SEZ6: variants seen among roughly 807,000 people sequenced by gnomAD.
The protein encoded by SEZ6 is seizure related 6 homolog.
Under a neutral mutation model 101.0 loss-of-function variants are expected in SEZ6, and 53 were observed. The ratio of observed to expected loss-of-function variants is 0.52; its 90% CI spans 0.42 to 0.66. SEZ6 has a LOEUF of 0.66. Among genes scored for constraint, SEZ6 ranks in the 30% least tolerant of loss-of-function variants. The probability of loss-of-function intolerance (pLI) is 0.00; values close to 1 mark genes in which losing one functional copy is unlikely to be tolerated. For missense variants in SEZ6, 1,102 were observed against 1,289.4 expected (o/e 0.85, Z 2.23); for synonymous variants, 488 against 512.2 (o/e 0.95, Z 0.64).
chr17:29,002,837 T>C (rs981630136), intron 1 of SEZ6, among the ~76,000 whole-genome samples: 1 of 152,218 alleles, frequency 6.6e-6, no homozygotes, highest in Non-Finnish European at 1.5e-5. Flanking sequence ...CTTGCAGCAC[T>C]AGGGCTCCTG....
rs1480104136 is a variant in SEZ6 at position 28,956,775 on chromosome 17, G to A, written c.2693-18C>T. 2 of 1,560,240 alleles carry A rather than the reference G, an allele frequency of 1.3e-6. No individual in the cohort carries two copies. The highest frequency in any genetic ancestry group is 2.4e-5 in the South Asian group (2 of 84,464). The stretch of plus-strand genomic sequence containing the variant: ...CAGAGAGGCTGGAACAAAAGGGGAG[G>A]GCCAAGGGCAGTGAGTGAGCCCAAT... On this transcript the variant is annotated intron_variant, in intron 13 of 16. Transcript: ENST00000317338.
chr17:28,960,651 T>C lies in SEZ6; in HGVS notation c.1430A>G (p.Asp477Gly). ...ATACACTGGTGGGGCCTCCACGTTGTCCCCATTGCGAATGATGAGCCTGAA... is the reference window on the plus strand; with the variant it reads ...ATACACTGGTGGGGCCTCCACGTTGCCCCCATTGCGAATGATGAGCCTGAA... ...DDDRLIIRNG[D>G]NVEAPPVYDS... Residue 477 changes from aspartate to glycine, a missense_variant, in exon 7 of 17, where the codon GAC becomes GGC. Around this residue, in one of 3 missense-constraint regions of SEZ6, gnomAD observed 556 missense variants for 735.1 expected, o/e 0.76. Coordinates refer to ENST00000317338, the MANE Select transcript of SEZ6 (RefSeq NM_178860.5). The C allele has an allele frequency of 6.2e-7, 1 of 1,603,708 alleles. No individual in the cohort carries two copies. Among genetic ancestry groups the C allele is most frequent in the South Asian group, 1.1e-5 (1 of 89,444 alleles).
At chr17:28,969,598 T>TA (rs532853734) in intron 4 of SEZ6, among the ~76,000 whole-genome samples, 159 bp downstream of exon 4, 8 of 152,178 alleles carry the variant, frequency 5.3e-5, no homozygotes, top group Non-Finnish European at 2.9e-5. Context: ...ACGCGATACT[T>TA]ACCTCCAATT....
chr17:28,957,157 G>T lies in SEZ6; in HGVS notation c.2580C>A (p.Ala860=), dbSNP rs1394347217. The T allele has an allele frequency of 6.2e-7, 1 of 1,613,814 alleles. No individual in the cohort carries two copies. The highest frequency in any genetic ancestry group is 2.2e-5 in the East Asian group (1 of 44,880). The part of the protein sequence containing the change: ...SPEKQLHPAG[A]TIHFSCAPGY... ...CAGGGGCACACGAGAAGTGGATGGT[G>T]GCCCCTGCTGGGTGTAGCTGCTTCT... Residue 860 remains alanine, a synonymous_variant, in exon 13 of 17, where the codon GCC becomes GCA. Transcript: ENST00000317338.
chr17:28,981,490 T>C lies in SEZ6; in HGVS notation c.605A>G (p.Gln202Arg). Residue 202 changes from glutamine to arginine, a missense_variant, in exon 2 of 17, where the codon CAG becomes CGG. Coordinates refer to ENST00000317338, the MANE Select transcript of SEZ6 (RefSeq NM_178860.5). ...GRPWVAEVVS[Q>R]GAGIGIQGTI... ...CCCCTGGATCCCGATCCCTGCGCCC[T>C]GGGACACAACCTCTGCAACCCACGG... The C allele has an allele frequency of 6.2e-7, 1 of 1,601,814 alleles. No individual in the cohort carries two copies. Among genetic ancestry groups the C allele is most frequent in the Non-Finnish European group, 8.5e-7 (1 of 1,174,024 alleles).
intron 4 of SEZ6, 43 bp from the exon 5 acceptor site, chr17:28,964,190 G>C (rs188988656): frequency 3.4e-6 from 5 of 1,490,844 alleles, no homozygotes; most frequent in Non-Finnish European, 4.5e-6. Context: ...TGTGCAGGGT[G>C]GGGGCGGGAG....
intron 4 of SEZ6, among the ~76,000 whole-genome samples, chr17:28,964,661 T>A (rs1004498784): frequency 1.3e-5 from 2 of 152,236 alleles, no homozygotes; most frequent in African/African-American, 4.8e-5. Flanking sequence ...GGAATAAATA[T>A]GAATTGCAGC....
At chr17:28,997,955 C>T (rs2041564693) in intron 1 of SEZ6, among the ~76,000 whole-genome samples, 1 of 152,160 alleles carries the variant, frequency 6.6e-6, no homozygotes, top group Non-Finnish European at 1.5e-5. Flanking sequence ...CCTGATGCCT[C>T]CCTGCCCCCA....
intron 3 of SEZ6, among the ~76,000 whole-genome samples, chr17:28,970,345 G>A (rs2041134079): frequency 6.6e-6 from 1 of 152,148 alleles, no homozygotes; most frequent in African/African-American, 2.4e-5. Flanking sequence ...CGAGGCCCTG[G>A]TCAGCAGTAT....
intron 1 of SEZ6, among the ~76,000 whole-genome samples, chr17:28,984,381 G>A (rs1321984905): frequency 6.6e-6 from 1 of 152,236 alleles, no homozygotes; most frequent in Non-Finnish European, 1.5e-5. Context: ...TCCGGGCATT[G>A]TTTATGCGGC....
intron 1 of SEZ6, among the ~76,000 whole-genome samples, chr17:28,982,968 G>C (rs1472625933): frequency 6.7e-6 from 1 of 149,006 alleles, no homozygotes; most frequent in East Asian, 1.9e-4. Flanking sequence ...ACCCGACCAT[G>C]GGTGCATGAC....
In SEZ6 at chr17:28,959,444, C is replaced by T. The variant is rs61737972; in HGVS notation, c.1800G>A (p.Ser600=). 4,793 of 1,613,682 alleles carry T rather than the reference C, an allele frequency of 3.0e-3. 128 individuals carry two copies. The African/African-American group carries it at 0.056, about 19-fold the overall frequency. ...AGTTGGGAGAGAGTACCACGCCAGC[C>T]GAGTCTGTGATCTCCCCGCTGCACA... ...RAVCSGEITD[S]AGVVLSPNWP... Residue 600 remains serine, a synonymous_variant, in exon 9 of 17, where the codon TCG becomes TCA. Coordinates refer to ENST00000317338, the MANE Select transcript of SEZ6 (RefSeq NM_178860.5). This position sits in a 1 kb window ranked among gnomAD's most constrained non-coding sequence, Gnocchi z 4.4.
At chr17:28,991,614 G>A (rs991385173) in intron 1 of SEZ6, among the ~76,000 whole-genome samples, 2 of 152,198 alleles carry the variant, frequency 1.3e-5, no homozygotes, top group African/African-American at 4.8e-5. Flanking sequence ...GTGAGGAAGA[G>A]CCCAGGGTGG....
Position 28,960,521 on chromosome 17 carries a change from C to G in SEZ6, c.1560G>C (p.Met520Ile). Residue 520 changes from methionine to isoleucine, a missense_variant, in exon 7 of 17, where the codon ATG becomes ATC. Around this residue, in one of 3 missense-constraint regions of SEZ6, gnomAD observed 556 missense variants for 735.1 expected, o/e 0.76. Coordinates refer to ENST00000317338, the MANE Select transcript of SEZ6 (RefSeq NM_178860.5). ...CAGGCTCACCCTCATAGCGCAGGGC[C>G]ATGCCTGCAGCTGCCCCGCTGCTGT... ...STDSSGAAAG[M>I]ALRYEAFQQG... 1 of 1,593,016 alleles carries G rather than the reference C, an allele frequency of 6.3e-7. No homozygotes were observed. Among genetic ancestry groups the G allele is most frequent in the Non-Finnish European group, 8.5e-7 (1 of 1,170,326 alleles).
At chr17:28,958,175 G>C (rs771706497) in intron 10 of SEZ6, 34 bp from the exon 11 acceptor site, 21 of 1,559,994 alleles carry the variant, frequency 1.3e-5, no homozygotes, top group Non-Finnish European at 1.8e-5. Context: ...GCAGGCCCTC[G>C]GCCAGCACCA....
In SEZ6 at chr17:29,005,810, CT is replaced by C; in HGVS notation, c.55+4del. On this transcript the variant is annotated splice_donor_region_variant and intron_variant, in intron 1 of 16. Transcript: ENST00000317338. The surrounding 1 kb of genome is among the most constrained non-coding windows in gnomAD (Gnocchi z 4.8). ...GTCCTGCCGCCGGATGCCGGGGTCC[CT>C]TACCGTGAGCCAGGAGCGCCAGCAG... The C allele has an allele frequency of 6.7e-7, 1 of 1,486,188 alleles. No individual in the cohort carries two copies. The highest frequency in any genetic ancestry group is 8.9e-7 in the Non-Finnish European group (1 of 1,118,348). The allele number at this position is 1,486,188 out of a possible 1,614,324, so 92.1% of individuals were successfully genotyped here. A position where few individuals can be genotyped will look rare whatever the true frequency, so the allele number is the denominator to read the frequency against.
chr17:28,974,178 A>G (rs1482262139), intron 3 of SEZ6, among the ~76,000 whole-genome samples: 5 of 152,202 alleles, frequency 3.3e-5, no homozygotes, highest in African/African-American at 4.8e-5. Context: ...TTGCACCAGT[A>G]CAACCCGGCA....
At position 28,959,906 on chromosome 17, in the gene SEZ6, G is replaced by A; in HGVS notation, c.1577-14C>T. The A allele has an allele frequency of 6.3e-7, 1 of 1,596,898 alleles. No homozygotes were observed. The highest frequency in any genetic ancestry group is 8.5e-7 in the Non-Finnish European group (1 of 1,171,928). On this transcript the variant is annotated splice_polypyrimidine_tract_variant and intron_variant, in intron 7 of 16. Transcript: ENST00000317338. This position sits in a 1 kb window ranked among gnomAD's most constrained non-coding sequence, Gnocchi z 4.4. Reference sequence around the variant, plus strand: ...CCTGCTGGAAGGCTGTAAACCACAGGTCCCAGCCCAGCTCAGCCTTGACTG... The same window carrying A: ...CCTGCTGGAAGGCTGTAAACCACAGATCCCAGCCCAGCTCAGCCTTGACTG...
chr17:28,957,166 T>C lies in SEZ6; in HGVS notation c.2571A>G (p.Pro857=). 1 of 1,613,972 alleles carries C rather than the reference T, an allele frequency of 6.2e-7. No homozygotes were observed. ...GARSPEKQLH[P]AGATIHFSCA... Reference sequence around the variant, plus strand: ...ACGAGAAGTGGATGGTGGCCCCTGCTGGGTGTAGCTGCTTCTCAGGACTTC... The same window carrying C: ...ACGAGAAGTGGATGGTGGCCCCTGCCGGGTGTAGCTGCTTCTCAGGACTTC... The change falls in exon 13 of 17, where the codon CCA becomes CCG. Residue 857 remains proline (P), a synonymous_variant. Coordinates refer to ENST00000317338, the MANE Select transcript of SEZ6 (RefSeq NM_178860.5).
Sources: gnomAD v4.1 joint callset for allele counts (sites outside exome capture counted in the v4.1 genomes callset) on GRCh38, gnomAD v4.1.1 for gene constraint, gnomAD v4.1.1 regional missense constraint, Gnocchi (gnomAD v3.1) non-coding constraint, MANE v1.5 for transcripts, NCBI Gene and HGNC (gene_info 2026-07-23, HGNC 2026-07-21) for gene names.